The following XYLT1 variants were observed in gnomAD, a reference collection of about 807,000 sequenced individuals.
The protein encoded by XYLT1 is beta-D-xylosyltransferase 1.
A neutral mutation model predicts 91.3 loss-of-function variants in XYLT1; 36 were observed. The observed-to-expected ratio is 0.39, with a 90% CI of 0.30 to 0.52. The LOEUF (loss-of-function observed/expected upper bound fraction) is 0.52. XYLT1 is among the 20% of genes least tolerant of loss of function. The pLI, the probability that XYLT1 is intolerant of heterozygous loss-of-function variation, is 0.68. For synonymous variants in XYLT1, 588 were observed against 532.0 expected (o/e 1.11, Z -1.45); for missense variants, 1,242 against 1,284.5 (o/e 0.97, Z 0.51).
intron 2 of XYLT1, among the ~76,000 whole-genome samples, chr16:17,266,496 T>C (rs932750139): frequency 3.3e-5 from 5 of 152,182 alleles, no homozygotes; most frequent in Admixed American, 3.3e-4. Flanking sequence ...GGAGGTTAAA[T>C]GACTAAGTCC....
chr16:17,439,174 C>G (rs1023676799), intron 1 of XYLT1, among the ~76,000 whole-genome samples: 5 of 152,142 alleles, frequency 3.3e-5, no homozygotes, highest in African/African-American at 1.2e-4. Context: ...GTATGGCAGG[C>G]ACATGGCATA....
intron 1 of XYLT1, among the ~76,000 whole-genome samples, chr16:17,420,468 A>C (rs969990637): frequency 1.3e-5 from 2 of 151,994 alleles, no homozygotes; most frequent in African/African-American, 4.8e-5. Flanking sequence ...AATTTTTTTC[A>C]TTTTATAGGT....
At chr16:17,430,420 G>A (rs1219209731) in intron 1 of XYLT1, among the ~76,000 whole-genome samples, 7 of 152,168 alleles carry the variant, frequency 4.6e-5, no homozygotes, top group Admixed American at 4.6e-4. Context: ...CTGGTCCCAA[G>A]CACTTTGGTT....
At chr16:17,417,916 T>G (rs1350461891) in intron 1 of XYLT1, among the ~76,000 whole-genome samples, 1 of 152,204 alleles carries the variant, frequency 6.6e-6, no homozygotes, top group Non-Finnish European at 1.5e-5. Flanking sequence ...ACACACAGGA[T>G]AGACCATGTC....
At chr16:17,276,381 G>A (rs866740085) in intron 2 of XYLT1, among the ~76,000 whole-genome samples, 1 of 152,180 alleles carries the variant, frequency 6.6e-6, no homozygotes, top group Non-Finnish European at 1.5e-5. Context: ...ATCCAATGTC[G>A]ATTGGAAGGC....
At chr16:17,147,982 A>T (rs532782740) in intron 6 of XYLT1, among the ~76,000 whole-genome samples, 1 of 152,336 alleles carries the variant, frequency 6.6e-6, no homozygotes, top group Admixed American at 6.5e-5. Context: ...TGAGTAGGTT[A>T]CCTGGGGCAA....
At chr16:17,305,078 CTGA>C (rs2034451430) in intron 2 of XYLT1, among the ~76,000 whole-genome samples, 1 of 152,138 alleles carries the variant, frequency 6.6e-6, no homozygotes, top group Non-Finnish European at 1.5e-5. Context: ...TCACTAACTC[CTGA>C]TGATGAGCCT....
intron 2 of XYLT1, among the ~76,000 whole-genome samples, chr16:17,261,845 T>C (rs906492213): frequency 1.3e-5 from 2 of 152,172 alleles, no homozygotes; most frequent in Admixed American, 6.5e-5. Context: ...CGGCTACTGG[T>C]TGTACACAGG....
Position 17,141,273 on chromosome 16 carries a change from C to A in XYLT1, c.1467G>T (p.Val489=). 6.2e-7 allele frequency: 1 copy of A among 1,614,166 alleles called. No homozygotes were observed. The highest frequency in any genetic ancestry group is 8.5e-7 in the Non-Finnish European group (1 of 1,180,024). ...GCAGGAACCAGTCCGAACCGCCATCCACGGCAATGCCCTCTGGGATCCGCC... is the reference window on the plus strand; with the variant it reads ...GCAGGAACCAGTCCGAACCGCCATCAACGGCAATGCCCTCTGGGATCCGCC... ...GDRRIPEGIA[V]DGGSDWFLLN... Residue 489 remains valine (V), a synonymous_variant, in exon 7 of 12, where the codon GTG becomes GTT. Transcript: ENST00000261381.
intron 1 of XYLT1, among the ~76,000 whole-genome samples, chr16:17,406,503 C>T (rs1167448861): frequency 6.6e-6 from 1 of 152,186 alleles, no homozygotes; most frequent in Non-Finnish European, 1.5e-5. Context: ...AGTTGGTTTC[C>T]GTCACTCACA....
At position 17,182,871 on chromosome 16, in the gene XYLT1, T is replaced by C. The variant is rs186269945; in HGVS notation, c.1289+15341A>G. 2.0e-3 allele frequency among the ~76,000 whole-genome samples: 306 copies of C among 152,252 alleles called. 1 individual carries two copies. Among genetic ancestry groups the C allele is most frequent in the African/African-American group, 7.1e-3 (297 of 41,548 alleles). On this transcript the variant is annotated intron_variant, in intron 5 of 11. Coordinates refer to ENST00000261381, the MANE Select transcript of XYLT1 (RefSeq NM_022166.4). ...AAAGGAATTTGAAGGTTGGGGTTGTTCTTGCTAACGCAGGACAGATGGTTC... is the reference window on the plus strand; with the variant it reads ...AAAGGAATTTGAAGGTTGGGGTTGTCCTTGCTAACGCAGGACAGATGGTTC...
At chr16:17,436,936 C>G (rs1227346908) in intron 1 of XYLT1, among the ~76,000 whole-genome samples, 1 of 152,198 alleles carries the variant, frequency 6.6e-6, no homozygotes, top group Non-Finnish European at 1.5e-5. Flanking sequence ...GTCCACACAG[C>G]CATGCATGTG....
At chr16:17,143,837 GTCA>G (rs1383842436) in intron 6 of XYLT1, among the ~76,000 whole-genome samples, 8 of 79,500 alleles carry the variant, frequency 1.0e-4, no homozygotes, top group African/African-American at 2.0e-4. Flanking sequence ...CACCACCATC[GTCA>G]TCATCACCAT....
chr16:17,119,299 A>C (rs2141486251), intron 10 of XYLT1, among the ~76,000 whole-genome samples: 1 of 152,280 alleles, frequency 6.6e-6, no homozygotes, highest in East Asian at 1.9e-4. Flanking sequence ...AAATCAAATT[A>C]AATTAGGGGT....
In XYLT1 at chr16:17,385,822, A is replaced by G. The variant is rs1339866229; in HGVS notation, c.364-27772T>C. On this transcript the variant is annotated intron_variant, in intron 1 of 11. Transcript: ENST00000261381. ...TATGAAATTGATTCTAAATCCAAGG[A>G]AACACTACAGAAGGAGAAATTAAGA... 2.0e-5 allele frequency among the ~76,000 whole-genome samples: 3 copies of G among 152,140 alleles called. No homozygotes were observed. The East Asian group carries it at 5.8e-4, about 29-fold the overall frequency.
chr16:17,188,564 C>T (rs1281238914), intron 5 of XYLT1, among the ~76,000 whole-genome samples: 2 of 152,216 alleles, frequency 1.3e-5, no homozygotes, highest in Admixed American at 1.3e-4. Context: ...CAGGCTGCCT[C>T]CTCAGGGAAG....
At chr16:17,184,185 C>CTTTTTTTT (rs71390593) in intron 5 of XYLT1, among the ~76,000 whole-genome samples, 2 of 107,492 alleles carry the variant, frequency 1.9e-5, no homozygotes, top group African/African-American at 3.7e-5. Flanking sequence ...TAAAAGACGG[C>CTTTTTTTT]TTTTTTTTTT....
At chr16:17,325,936 A>G (rs2034794398) in intron 2 of XYLT1, among the ~76,000 whole-genome samples, 1 of 152,188 alleles carries the variant, frequency 6.6e-6, no homozygotes, top group South Asian at 2.1e-4. Flanking sequence ...TTCAGGAGGG[A>G]CCTGAGATCC....
chr16:17,440,593 C>T (rs1490674254), intron 1 of XYLT1, among the ~76,000 whole-genome samples: 1 of 152,130 alleles, frequency 6.6e-6, no homozygotes, highest in Non-Finnish European at 1.5e-5. Flanking sequence ...ACTGTGTGGC[C>T]TTGAAATAGA....
Sources: allele counts gnomAD v4.1 joint callset (sites outside exome capture counted in the v4.1 genomes callset), GRCh38; gene constraint gnomAD v4.1.1; transcripts MANE v1.5; gene names NCBI Gene and HGNC (gene_info 2026-07-23, HGNC 2026-07-21).